The following LMTK2 variants were observed in gnomAD, a reference collection of about 807,000 sequenced individuals.
The protein encoded by LMTK2 is serine/threonine-protein kinase LMTK2.
Under a neutral mutation model 127.5 loss-of-function variants are expected in LMTK2, and 37 were observed. That is an observed-to-expected ratio of 0.29 (90% CI 0.22 to 0.38). LMTK2 has a LOEUF of 0.38. LMTK2 is among the 10% of genes least tolerant of loss of function. The probability of loss-of-function intolerance (pLI) is 1.00; values close to 1 mark genes in which losing one functional copy is unlikely to be tolerated. For missense variants in LMTK2, 1,694 were observed against 1,920.3 expected (o/e 0.88, Z 2.20); for synonymous variants, 819 against 810.1 (o/e 1.01, Z -0.19).
At chr7:98,204,970 G>T (rs1797767277) in intron 13 of LMTK2, among the ~76,000 whole-genome samples, 1 of 152,192 alleles carries the variant, frequency 6.6e-6, no homozygotes, top group African/African-American at 2.4e-5. Context: ...TCCTGGTGTG[G>T]CTCCCGAGGG....
chr7:98,175,101 C>T (rs1797256282), intron 7 of LMTK2, among the ~76,000 whole-genome samples: 1 of 152,158 alleles, frequency 6.6e-6, no homozygotes, highest in Non-Finnish European at 1.5e-5. Flanking sequence ...TCTGTCTCAG[C>T]CACTCATTTG....
chr7:98,114,190 TG>T (rs1158023381), intron 1 of LMTK2, among the ~76,000 whole-genome samples: 1 of 152,028 alleles, frequency 6.6e-6, no homozygotes, highest in African/African-American at 2.4e-5. Flanking sequence ...GTTTAATTTT[TG>T]ACAATTTGGT....
At position 98,186,945 on chromosome 7, in the gene LMTK2, C is replaced by T. The variant is rs1797445549; in HGVS notation, c.945C>T (p.Thr315=). The T allele has an allele frequency of 1.9e-6, 3 of 1,613,424 alleles. No individual in the cohort carries two copies. Among genetic ancestry groups the T allele is most frequent in the Admixed American group, 3.3e-5 (2 of 59,988 alleles). Residue 315 remains threonine, a synonymous_variant, in exon 9 of 14, where the codon ACC becomes ACT. Transcript: ENST00000297293. Reference sequence around the variant, plus strand: ...GATGGACTGCTCCAGAATTAGTAACCAGCTTTCAAGACAGACTGCTAACTG... The same window carrying T: ...GATGGACTGCTCCAGAATTAGTAACTAGCTTTCAAGACAGACTGCTAACTG... ...PLRWTAPELV[T]SFQDRLLTAD...
chr7:98,124,560 A>T (rs1156622245), intron 1 of LMTK2, among the ~76,000 whole-genome samples: 1 of 152,076 alleles, frequency 6.6e-6, no homozygotes, highest in Admixed American at 6.5e-5. Context: ...CCAAAGTGGG[A>T]GGATCACTTG....
At chr7:98,170,387 G>A (rs1797164568) in intron 6 of LMTK2, among the ~76,000 whole-genome samples, 1 of 152,184 alleles carries the variant, frequency 6.6e-6, no homozygotes, top group African/African-American at 2.4e-5. Flanking sequence ...AATGTACTCA[G>A]TATTAAATGT....
intron 5 of LMTK2, 41 bp downstream of exon 5, chr7:98,154,917 G>A: frequency 8.4e-7 from 1 of 1,189,966 alleles, no homozygotes; most frequent in Non-Finnish European, 1.3e-6. Context: ...ACTAGTCTGT[G>A]GTCTGTTGAA....
chr7:98,205,172 G>A (rs1217274480), intron 13 of LMTK2, among the ~76,000 whole-genome samples: 3 of 152,222 alleles, frequency 2.0e-5, no homozygotes, highest in East Asian at 1.9e-4. Context: ...CATTTGTGCC[G>A]ATTAGATAAC....
intron 1 of LMTK2, among the ~76,000 whole-genome samples, chr7:98,133,528 G>C (rs1195303222): frequency 6.6e-6 from 1 of 151,420 alleles, no homozygotes; most frequent in East Asian, 1.9e-4. Context: ...TTATAGCACA[G>C]TGCTTTTGGA....
chr7:98,156,775 T>C (rs968213525), intron 5 of LMTK2, among the ~76,000 whole-genome samples: 1 of 152,106 alleles, frequency 6.6e-6, no homozygotes, highest in African/African-American at 2.4e-5. Context: ...GTCTGCAGGG[T>C]GGACCAGGAG....
rs1256316353 is a variant in LMTK2 at position 98,173,810 on chromosome 7, A to C, written c.791+2136A>C. Reference sequence around the variant, plus strand: ...GGTGGCTCATGCCTGTAATCCCCGCACTTTGGGAGGCCGAGGCAGGCGGAT... The same window carrying C: ...GGTGGCTCATGCCTGTAATCCCCGCCCTTTGGGAGGCCGAGGCAGGCGGAT... On this transcript the variant is annotated intron_variant, in intron 7 of 13. Coordinates refer to ENST00000297293, the MANE Select transcript of LMTK2 (RefSeq NM_014916.4). Among the ~76,000 whole-genome samples, 9 of 152,316 alleles carry C rather than the reference A, an allele frequency of 5.9e-5. No homozygotes were observed. The East Asian group carries it at 1.5e-3, about 26-fold the overall frequency.
intron 4 of LMTK2, among the ~76,000 whole-genome samples, chr7:98,151,816 C>T (rs191356792): frequency 2.0e-5 from 3 of 152,286 alleles, no homozygotes; most frequent in East Asian, 3.9e-4. Flanking sequence ...TGCGTCCTCC[C>T]GTGGTTGAAG....
intron 11 of LMTK2, among the ~76,000 whole-genome samples, chr7:98,201,737 G>A (rs888125236): frequency 3.3e-5 from 5 of 152,110 alleles, no homozygotes; most frequent in African/African-American, 1.2e-4. Context: ...AGCCTCCTGA[G>A]TAGCTGGGGC....
At position 98,186,852 on chromosome 7, in the gene LMTK2, T is replaced by C. The variant is rs746227325; in HGVS notation, c.877-25T>C. 1.9e-6 allele frequency: 3 copies of C among 1,603,232 alleles called. No homozygotes were observed. The South Asian group carries it at 3.3e-5, about 18-fold the overall frequency. ...ACCAAAAGTATAATTCTATTCAAAA[T>C]TCTGTGTGCTTTCTAACAAAACAGG... is the stretch of plus-strand genomic sequence containing the variant. On this transcript the variant is annotated intron_variant, in intron 8 of 13. Transcript: ENST00000297293.
Position 98,192,092 on chromosome 7 carries a change from C to T in LMTK2, c.1627C>T (p.His543Tyr). ...VPGVVPVFDA[H>Y]NLSVGSDYYI... ...TGGAGTGGTTCCTGTTTTTGATGCC[C>T]ACAACCTTTCTGTTGGAAGCGACTA... The change falls in exon 11 of 14, where the codon CAC (histidine) becomes TAC (tyrosine). Residue 543 changes from histidine (H) to tyrosine (Y), a missense_variant. By Grantham distance (83) the His-to-Tyr change is moderately conservative. Coordinates refer to ENST00000297293, the MANE Select transcript of LMTK2 (RefSeq NM_014916.4). 6.4e-7 allele frequency: 1 copy of T among 1,563,102 alleles called. No individual in the cohort carries two copies. The highest frequency in any genetic ancestry group is 1.2e-5 in the South Asian group (1 of 82,758).
intron 7 of LMTK2, among the ~76,000 whole-genome samples, chr7:98,183,197 C>T (rs1243960414): frequency 6.6e-6 from 1 of 152,146 alleles, no homozygotes; most frequent in Non-Finnish European, 1.5e-5. Context: ...AATGCCTTTC[C>T]CTTTCTAGGT....
chr7:98,185,114 A>G lies in LMTK2; in HGVS notation c.855A>G (p.Gly285=), dbSNP rs761605554. The G allele has an allele frequency of 6.2e-7, 1 of 1,611,828 alleles. No individual in the cohort carries two copies. The highest frequency in any genetic ancestry group is 2.2e-5 in the East Asian group (1 of 44,828). Residue 285 remains glycine (G), a synonymous_variant, in exon 8 of 14, where the codon GGA becomes GGG. Coordinates refer to ENST00000297293, the MANE Select transcript of LMTK2 (RefSeq NM_014916.4). The stretch of plus-strand genomic sequence containing the variant: ...TAAATGTGAAAGTGGGAGATTACGG[A>G]ATAGGATTCAGCAGGTACAAGGTAA... ...SDLNVKVGDY[G]IGFSRYKEDY...
rs1376299600 is a variant in LMTK2, at chr7:98,171,623, G to T, written c.740G>T (p.Cys247Phe). 6.2e-7 allele frequency: 1 copy of T among 1,610,770 alleles called. No homozygotes were observed. Among genetic ancestry groups the T allele is most frequent in the East Asian group, 2.2e-5 (1 of 44,864 alleles). The change falls in exon 7 of 14, where the codon TGC (cysteine) becomes TTC (phenylalanine). Residue 247 changes from cysteine (C) to phenylalanine (F), a missense_variant. By Grantham distance (205) the Cys-to-Phe change is radical (BLOSUM62 -2). Around this residue, in one of 8 missense-constraint regions of LMTK2, gnomAD observed 203 missense variants for 226.2 expected, o/e 0.90. Transcript: ENST00000297293. This position sits in a 1 kb window ranked among gnomAD's most constrained non-coding sequence, Gnocchi z 5.1. ...SQTMLLQRMA[C>F]EVAAGLAAMH... ...ACCATGCTGCTGCAGAGGATGGCGT[G>T]CGAGGTCGCCGCGGGGCTGGCCGCC... is the stretch of plus-strand genomic sequence containing the variant.
intron 3 of LMTK2, among the ~76,000 whole-genome samples, chr7:98,144,676 G>A (rs906300990): frequency 8.0e-5 from 12 of 150,712 alleles, no homozygotes; most frequent in Admixed American, 3.3e-4. Context: ...TGAGGTTCAC[G>A]GGAAAATTTA....
chr7:98,123,655 C>T (rs1796399181), intron 1 of LMTK2, among the ~76,000 whole-genome samples: 1 of 152,102 alleles, frequency 6.6e-6, no homozygotes, highest in South Asian at 2.1e-4. Flanking sequence ...ACAATGGGCC[C>T]TTTGAACCTT....
Sources: allele counts gnomAD v4.1 joint callset (sites outside exome capture counted in the v4.1 genomes callset), GRCh38; gene constraint gnomAD v4.1.1; regional missense constraint gnomAD v4.1.1; non-coding constraint Gnocchi (gnomAD v3.1); transcripts MANE v1.5; gene names NCBI Gene and HGNC (gene_info 2026-07-23, HGNC 2026-07-21).